IKZF3: variants seen among roughly 807,000 people sequenced by gnomAD.
IKZF3 encodes zinc finger protein Aiolos.
In IKZF3, 10 loss-of-function variants were observed where a neutral mutation model predicts 49.0. That is an observed-to-expected ratio of 0.20 (90% CI 0.13 to 0.35). IKZF3 has a LOEUF of 0.35. IKZF3 is among the 10% of genes least tolerant of loss of function. The probability of loss-of-function intolerance (pLI) is 1.00; values close to 1 mark genes in which losing one functional copy is unlikely to be tolerated. For synonymous variants in IKZF3, 209 were observed against 228.2 expected (o/e 0.92, Z 0.76); for missense variants, 498 against 664.8 (o/e 0.75, Z 2.76).
intron 1 of IKZF3, among the ~76,000 whole-genome samples, chr17:39,849,261 C>G (rs1245561901): frequency 2.0e-5 from 3 of 148,510 alleles, no homozygotes; most frequent in Non-Finnish European, 4.4e-5. Flanking sequence ...TGCTAAAACC[C>G]TGTCTCTACT....
At chr17:39,863,586 T>C (rs532119192) in intron 1 of IKZF3, among the ~76,000 whole-genome samples, 4 of 152,228 alleles carry the variant, frequency 2.6e-5, no homozygotes, top group Non-Finnish European at 5.9e-5. Flanking sequence ...AATTAATTCA[T>C]ATGAAACTCC....
intron 3 of IKZF3, among the ~76,000 whole-genome samples, chr17:39,794,971 G>T (rs1292642994): frequency 6.6e-6 from 1 of 152,104 alleles, no homozygotes; most frequent in Non-Finnish European, 1.5e-5. Context: ...AAAAACAGCA[G>T]ATAGAAAAGG....
Position 39,765,877 on chromosome 17 carries a change from C to A in IKZF3, c.1443G>T (p.Glu481Asp). ...GGCTTCGATATCCACACATGTTACA[C>A]TCGAAAGGGTCACGGAAGCCGTGGC... ...MGCHGFRDPF[E>D]CNMCGYRSHD... is the part of the protein sequence containing the mutation. The change falls in exon 8 of 8, where the codon GAG (glutamate) becomes GAT (aspartate). Residue 481 changes from glutamate to aspartate, a missense_variant. Physicochemically the swap from Glu to Asp is conservative, Grantham distance 45 (BLOSUM62 2). Coordinates refer to ENST00000346872, the MANE Select transcript of IKZF3 (RefSeq NM_012481.5). 6.2e-7 allele frequency: 1 copy of A among 1,614,246 alleles called. No homozygotes were observed. The highest frequency in any genetic ancestry group is 8.5e-7 in the Non-Finnish European group (1 of 1,180,054).
At chr17:39,829,300 T>C in intron 3 of IKZF3, 87 bp downstream of exon 3, 1 of 882,618 alleles carries the variant, frequency 1.1e-6, no homozygotes, top group Non-Finnish European at 1.8e-6. Context: ...CAATTGCAAG[T>C]TTTCCTTGGA....
chr17:39,803,716 T>C (rs909520386), intron 3 of IKZF3, among the ~76,000 whole-genome samples: 1 of 152,140 alleles, frequency 6.6e-6, no homozygotes, highest in South Asian at 2.1e-4. Context: ...TTTCTCCATG[T>C]TGGTCAGGCT....
intron 2 of IKZF3, among the ~76,000 whole-genome samples, chr17:39,830,029 C>A (rs141471738): frequency 1.8e-3 from 270 of 152,264 alleles, no homozygotes; most frequent in African/African-American, 6.3e-3. Context: ...TTGAATATTT[C>A]TTTCATCTGA....
intron 7 of IKZF3, among the ~76,000 whole-genome samples, chr17:39,772,304 A>G (rs1280820683): frequency 6.6e-6 from 1 of 152,198 alleles, no homozygotes; most frequent in African/African-American, 2.4e-5. Flanking sequence ...ACCTTTAGAA[A>G]AATAACAGAA....
intron 3 of IKZF3, among the ~76,000 whole-genome samples, chr17:39,821,701 C>G (rs1568021281): frequency 6.6e-6 from 1 of 152,082 alleles, no homozygotes; most frequent in Non-Finnish European, 1.5e-5. Context: ...ATGCTAGACC[C>G]AAAGCTGCCT....
At chr17:39,800,795 T>C (rs2061298419) in intron 3 of IKZF3, among the ~76,000 whole-genome samples, 2 of 152,172 alleles carry the variant, frequency 1.3e-5, no homozygotes, top group African/African-American at 4.8e-5. Context: ...ATTTTTGGTT[T>C]CACCTGAGAC....
At chr17:39,827,766 A>C (rs2061996998) in intron 3 of IKZF3, among the ~76,000 whole-genome samples, 1 of 152,262 alleles carries the variant, frequency 6.6e-6, no homozygotes, top group South Asian at 2.1e-4. Flanking sequence ...GGAGCACTCT[A>C]CTTACAGCCC....
chr17:39,793,083 G>A (rs564425800), intron 3 of IKZF3, 150 bp from the exon 4 acceptor site: 45 of 750,774 alleles, frequency 6.0e-5, no homozygotes, highest in Admixed American at 3.6e-4. Flanking sequence ...CACCATTAGC[G>A]TGACCGCACG....
intron 1 of IKZF3, among the ~76,000 whole-genome samples, chr17:39,852,008 G>A (rs896228198): frequency 3.3e-5 from 5 of 152,054 alleles, no homozygotes; most frequent in African/African-American, 7.2e-5. Flanking sequence ...TAAAACTCAC[G>A]TGGTACAGAA....
intron 2 of IKZF3, 76 bp downstream of exon 2, chr17:39,832,022 G>A: frequency 9.2e-7 from 1 of 1,088,470 alleles, no homozygotes; most frequent in Non-Finnish European, 1.4e-6. Flanking sequence ...ACTGCAACCA[G>A]AATAAGCACA....
chr17:39,855,013 T>C (rs28621669), intron 1 of IKZF3, among the ~76,000 whole-genome samples: 8,803 of 152,190 alleles, frequency 0.058, 404 homozygotes, highest in African/African-American at 0.12. Context: ...GAGGCAAGTC[T>C]AGATACAGGG....
intron 3 of IKZF3, among the ~76,000 whole-genome samples, chr17:39,817,199 T>C (rs1194088516): frequency 6.6e-6 from 1 of 152,204 alleles, no homozygotes; most frequent in Non-Finnish European, 1.5e-5. Flanking sequence ...TGGAAGCTTA[T>C]AAAGATGCAC....
chr17:39,848,985 G>T (rs1568060229), intron 1 of IKZF3, among the ~76,000 whole-genome samples: 1 of 152,236 alleles, frequency 6.6e-6, no homozygotes, highest in East Asian at 1.9e-4. Flanking sequence ...GCCTGGCAAA[G>T]AATTCTTTAG....
chr17:39,838,540 T>G (rs2062371147), intron 1 of IKZF3, among the ~76,000 whole-genome samples: 1 of 152,184 alleles, frequency 6.6e-6, no homozygotes, highest in Non-Finnish European at 1.5e-5. Context: ...TTTTCATTTT[T>G]CTCTAAATGC....
chr17:39,771,083 C>G (rs2060428233), intron 7 of IKZF3, among the ~76,000 whole-genome samples: 1 of 152,156 alleles, frequency 6.6e-6, no homozygotes, highest in African/African-American at 2.4e-5. Flanking sequence ...AACAGAGAAC[C>G]AGGATGTAAT....
chr17:39,802,163 A>G (rs2061334008), intron 3 of IKZF3, among the ~76,000 whole-genome samples: 1 of 139,816 alleles, frequency 7.2e-6, no homozygotes, highest in Non-Finnish European at 1.5e-5. Context: ...CGGAGCTTGC[A>G]GTGAGCCAAG....
Sources: gnomAD v4.1 joint callset for allele counts (sites outside exome capture counted in the v4.1 genomes callset) on GRCh38, gnomAD v4.1.1 for gene constraint, MANE v1.5 for transcripts, NCBI Gene and HGNC (gene_info 2026-07-23, HGNC 2026-07-21) for gene names.